Variants in CACNA1I observed in about 807,000 individuals in gnomAD.
The protein encoded by CACNA1I is voltage-dependent T-type calcium channel subunit alpha-1I.
In CACNA1I, 74 loss-of-function variants were observed where a neutral mutation model predicts 201.6. The ratio of observed to expected loss-of-function variants is 0.37; its 90% CI spans 0.30 to 0.45. The LOEUF (loss-of-function observed/expected upper bound fraction) is 0.45, where lower values mean the gene tolerates loss of function less well. CACNA1I is among the 20% of genes least tolerant of loss of function. The pLI is 1.00. For synonymous variants in CACNA1I, 1,431 were observed against 1,345.2 expected (o/e 1.06, Z -1.40); for missense variants, 2,346 against 3,138.1 (o/e 0.75, Z 6.03).
intron 3 of CACNA1I, among the ~76,000 whole-genome samples, chr22:39,610,105 G>A (rs17001378): frequency 0.016 from 2,373 of 152,264 alleles, 67 homozygotes; most frequent in African/African-American, 0.054. Context: ...GAAGCCCTCC[G>A]AATGTCTTGA....
chr22:39,616,483 G>A (rs973156748), intron 3 of CACNA1I, among the ~76,000 whole-genome samples: 4 of 151,920 alleles, frequency 2.6e-5, no homozygotes, highest in African/African-American at 4.8e-5. Context: ...ACTCTTTGTC[G>A]GCTGGGCACG....
At chr22:39,661,513 G>A (rs1223421003) in intron 16 of CACNA1I, among the ~76,000 whole-genome samples, 3 of 152,210 alleles carry the variant, frequency 2.0e-5, no homozygotes, top group Admixed American at 2.0e-4. Flanking sequence ...TAGTGCCAGT[G>A]GGGTCTGGTG....
At chr22:39,632,390 C>T (rs948376611) in intron 4 of CACNA1I, among the ~76,000 whole-genome samples, 1 of 152,210 alleles carries the variant, frequency 6.6e-6, no homozygotes, top group Non-Finnish European at 1.5e-5. Flanking sequence ...GCCCCACACT[C>T]CTCAGAGCCC....
chr22:39,651,304 C>T (rs1934641895), intron 10 of CACNA1I, among the ~76,000 whole-genome samples: 1 of 152,232 alleles, frequency 6.6e-6, no homozygotes. Context: ...ATGCCGCACC[C>T]CATGGGGCCG....
rs1025600553 is a variant in CACNA1I, at chr22:39,661,952, G to T, written c.2902-13G>T. On this transcript the variant is annotated splice_polypyrimidine_tract_variant and intron_variant, in intron 16 of 36. Coordinates refer to ENST00000402142, the MANE Select transcript of CACNA1I (RefSeq NM_021096.4). ...GCCTGTGGGGCGCTGACCCGAACGG[G>T]AACTCCTTCCAGTCCAGCTCCCGGA... The T allele has an allele frequency of 2.7e-6, 4 of 1,499,202 alleles. No homozygotes were observed. Among genetic ancestry groups the T allele is most frequent in the African/African-American group, 2.9e-5 (2 of 68,844 alleles). 92.9% of individuals were successfully genotyped at this position (1,499,202 alleles called of 1,614,324 possible).
chr22:39,601,777 TAA>T (rs1423767010), intron 3 of CACNA1I, among the ~76,000 whole-genome samples: 1 of 151,380 alleles, frequency 6.6e-6, no homozygotes, highest in African/African-American at 2.4e-5. Context: ...ACTAGGGTTT[TAA>T]AAAAGTTACA....
Position 39,684,518 on chromosome 22 carries a change from C to T in CACNA1I, c.6027+20C>T, listed in dbSNP as rs372653726. The T allele has an allele frequency of 3.1e-6, 5 of 1,607,092 alleles. No individual in the cohort carries two copies. The African/African-American group carries it at 4.0e-5, about 13-fold the overall frequency. ...CGGCAGGTACCGACACCTCCCAGGC[C>T]CTAGAGCACTGGTCTGTGGGCAAGG... On this transcript the variant is annotated intron_variant, in intron 36 of 36. Transcript: ENST00000402142. The surrounding 1 kb of genome is among the most constrained non-coding windows in gnomAD (Gnocchi z 4.6).
At chr22:39,587,608 T>C in intron 1 of CACNA1I, 1 of 331,228 alleles carries the variant, frequency 3.0e-6, no homozygotes, top group Non-Finnish European at 5.8e-6. Context: ...GACAGGAGGG[T>C]ATGAGGTTCA....
chr22:39,679,327 G>A lies in CACNA1I; in HGVS notation c.5276G>A (p.Gly1759Asp). ...GAGCTGGAGATGGCCCATGGCCTGGGCCCTGGCCCGAGGCTGCCTACCGGC... is the reference window on the plus strand; with the variant it reads ...GAGCTGGAGATGGCCCATGGCCTGGACCCTGGCCCGAGGCTGCCTACCGGC... ...ELELEMAHGL[G>D]PGPRLPTGSP... Residue 1759 changes from glycine (G) to aspartate (D), a missense_variant, in exon 32 of 37, where the codon GGC (glycine) becomes GAC (aspartate). Coordinates refer to ENST00000402142, the MANE Select transcript of CACNA1I (RefSeq NM_021096.4). 1 of 1,550,086 alleles carries A rather than the reference G, an allele frequency of 6.5e-7. No homozygotes were observed. The highest frequency in any genetic ancestry group is 8.7e-7 in the Non-Finnish European group (1 of 1,147,568).
chr22:39,606,311 G>A (rs1933218098), intron 3 of CACNA1I, among the ~76,000 whole-genome samples: 1 of 152,162 alleles, frequency 6.6e-6, no homozygotes, highest in Admixed American at 6.5e-5. Flanking sequence ...GGAACTAAAA[G>A]TTGGTGATTT....
intron 3 of CACNA1I, among the ~76,000 whole-genome samples, chr22:39,602,063 C>T (rs1487415310): frequency 4.4e-5 from 2 of 45,172 alleles, no homozygotes; most frequent in African/African-American, 1.0e-4. Flanking sequence ...TCCCTCCCTC[C>T]CTCCCTTCCT....
intron 4 of CACNA1I, among the ~76,000 whole-genome samples, chr22:39,621,074 C>T (rs962796709): frequency 3.3e-5 from 5 of 152,292 alleles, no homozygotes; most frequent in East Asian, 1.9e-4. Flanking sequence ...GGCTTTTATA[C>T]GCATTTACCC....
intron 1 of CACNA1I, among the ~76,000 whole-genome samples, chr22:39,574,178 C>T (rs533647766): frequency 1.3e-5 from 2 of 152,284 alleles, no homozygotes; most frequent in East Asian, 3.9e-4. Flanking sequence ...TAAGGCTCAG[C>T]GACACTGAAA....
chr22:39,618,225 CTGTGTGCAGGTGTGTGGT>C (rs747092288), intron 3 of CACNA1I, among the ~76,000 whole-genome samples: 2 of 114,398 alleles, frequency 1.7e-5, no homozygotes, highest in Non-Finnish European at 4.1e-5. Context: ...TGGTGTGTGA[CTGTGTGCAGGTGTGTGGT>C]TGTGTGCCTG....
intron 29 of CACNA1I, among the ~76,000 whole-genome samples, chr22:39,675,390 G>T (rs552261424): frequency 7.9e-4 from 120 of 152,236 alleles, no homozygotes; most frequent in Admixed American, 1.7e-3. Context: ...CCTTCCCCAT[G>T]CTCTGACCCC....
chr22:39,686,120 C>T lies in CACNA1I; in HGVS notation c.6387C>T (p.Ser2129=). The part of the protein sequence containing the change: ...AGSEHSETLS[S]LSLTSLFCPP... ...GCGAGCACTCGGAGACCCTCAGCAG[C>T]CTCTCGCTCACCTCCCTCTTCTGCC... Residue 2129 remains serine (S), a synonymous_variant, in exon 37 of 37, where the codon AGC becomes AGT. Transcript: ENST00000402142. 1.6e-6 allele frequency: 2 copies of T among 1,264,142 alleles called. No individual in the cohort carries two copies. The highest frequency in any genetic ancestry group is 2.9e-5 in the South Asian group (1 of 34,990). 78.3% of individuals were successfully genotyped at this position (1,264,142 alleles called of 1,614,324 possible).
intron 29 of CACNA1I, among the ~76,000 whole-genome samples, chr22:39,674,494 G>A (rs1935464018): frequency 2.0e-5 from 3 of 152,196 alleles, no homozygotes; most frequent in Admixed American, 6.5e-5. Context: ...GAGAAGTTCC[G>A]AGATGGCATT....
At chr22:39,585,727 GTT>G (rs34320968) in intron 1 of CACNA1I, among the ~76,000 whole-genome samples, 4 of 83,940 alleles carry the variant, frequency 4.8e-5, no homozygotes, top group African/African-American at 1.5e-4. Context: ...AACTTTTAAA[GTT>G]TTTTTTTTTT....
At position 39,677,588 on chromosome 22, in the gene CACNA1I, C is replaced by T. The variant is rs1935552063; in HGVS notation, c.4933+169C>T. On this transcript the variant is annotated intron_variant, in intron 30 of 36. Coordinates refer to ENST00000402142, the MANE Select transcript of CACNA1I (RefSeq NM_021096.4). The surrounding 1 kb of genome is among the most constrained non-coding windows in gnomAD (Gnocchi z 4.8). ...TGTCTGGTCTCCCAGGAAAACTGCC[C>T]TCCCTACCCCGGTGTTGGTGCCTGT... Among the ~76,000 whole-genome samples, 1 of 152,202 alleles carries T rather than the reference C, an allele frequency of 6.6e-6. No individual in the cohort carries two copies.
Sources: allele counts gnomAD v4.1 joint callset (sites outside exome capture counted in the v4.1 genomes callset), GRCh38; gene constraint gnomAD v4.1.1; non-coding constraint Gnocchi (gnomAD v3.1); transcripts MANE v1.5; gene names NCBI Gene and HGNC (gene_info 2026-07-23, HGNC 2026-07-21).